Variants in BANK1 observed in about 807,000 individuals in gnomAD.
BANK1 encodes the protein B cell scaffold protein with ankyrin repeats 1, also known as B-cell scaffold protein with ankyrin repeats.
BANK1 carries 95 observed loss-of-function variants against 94.5 expected under a neutral mutation model. The ratio of observed to expected loss-of-function variants is 1.00; its 90% CI spans 0.85 to 1.19. BANK1 has a LOEUF of 1.19. BANK1 is among the 50% of genes most tolerant of loss of function. BANK1 has a pLI of 0.00. For missense variants in BANK1, 987 were observed against 932.2 expected (o/e 1.06, Z -0.77); for synonymous variants, 334 against 308.4 (o/e 1.08, Z -0.87).
intron 9 of BANK1, among the ~76,000 whole-genome samples, chr4:102,027,635 A>G (rs570917362): frequency 6.7e-6 from 1 of 149,822 alleles, no homozygotes; most frequent in East Asian, 2.0e-4. Context: ...GTTGTTCTTT[A>G]TGAGTAGCTT....
At position 101,790,817 on chromosome 4, in the gene BANK1, C is replaced by T; in HGVS notation, c.-64C>T. ...GAGAAAATCGCGGGGAGTCTCTGGCCGGGAGAGTCCAGGTAGCGCTCGGCG... is the reference window on the plus strand; with the variant it reads ...GAGAAAATCGCGGGGAGTCTCTGGCTGGGAGAGTCCAGGTAGCGCTCGGCG... On this transcript the variant is annotated 5_prime_UTR_variant, in exon 1 of 17. Coordinates refer to ENST00000322953, the MANE Select transcript of BANK1 (RefSeq NM_017935.5). The T allele has an allele frequency of 2.7e-6, 4 of 1,484,808 alleles. No homozygotes were observed. The South Asian group carries it at 3.6e-5, about 13-fold the overall frequency. 92.0% of individuals were successfully genotyped at this position (1,484,808 alleles called of 1,614,324 possible).
At chr4:101,970,169 G>A (rs1724904841) in intron 7 of BANK1, among the ~76,000 whole-genome samples, 1 of 152,062 alleles carries the variant, frequency 6.6e-6, no homozygotes, top group Admixed American at 6.6e-5. Context: ...AATTCCTTCT[G>A]CGTGTCAGGC....
At chr4:101,837,822 A>G (rs1453298725) in intron 2 of BANK1, among the ~76,000 whole-genome samples, 2 of 152,166 alleles carry the variant, frequency 1.3e-5, no homozygotes, top group Non-Finnish European at 2.9e-5. Context: ...ACATTTGATC[A>G]GGATATTTTT....
intron 7 of BANK1, among the ~76,000 whole-genome samples, chr4:101,930,195 A>G (rs1264428199): frequency 6.6e-6 from 1 of 151,306 alleles, no homozygotes; most frequent in Non-Finnish European, 1.5e-5. Context: ...TGTATCTGCC[A>G]TGTTCAGCAG....
intron 1 of BANK1, among the ~76,000 whole-genome samples, chr4:101,799,019 G>A (rs945921529): frequency 6.6e-6 from 1 of 152,136 alleles, no homozygotes; most frequent in Non-Finnish European, 1.5e-5. Flanking sequence ...TGGTGTTTTA[G>A]TCATGAAGTC....
chr4:101,826,752 A>G (rs1560589847), intron 1 of BANK1, among the ~76,000 whole-genome samples: 1 of 151,962 alleles, frequency 6.6e-6, no homozygotes, highest in African/African-American at 2.4e-5. Context: ...TTTCTGCCAG[A>G]TGTTTTTTTC....
intron 1 of BANK1, among the ~76,000 whole-genome samples, chr4:101,822,925 C>G (rs1726228618): frequency 6.6e-6 from 1 of 152,090 alleles, no homozygotes; most frequent in Non-Finnish European, 1.5e-5. Flanking sequence ...ACCACATTTT[C>G]TTTATCCAGC....
intron 7 of BANK1, among the ~76,000 whole-genome samples, chr4:101,922,009 C>CTTGTGTGTGT (rs369185640): frequency 3.9e-5 from 5 of 129,366 alleles, no homozygotes; most frequent in Admixed American, 7.8e-5. Flanking sequence ...ACACTGGGCC[C>CTTGTGTGTGT]GTGTGTGTGT....
At chr4:101,860,728 G>A (rs979570035) in intron 3 of BANK1, among the ~76,000 whole-genome samples, 1 of 152,202 alleles carries the variant, frequency 6.6e-6, no homozygotes, top group Admixed American at 6.5e-5. Context: ...ACCGCACCCG[G>A]CCCTGAGTGA....
intron 13 of BANK1, among the ~76,000 whole-genome samples, chr4:102,066,256 C>G (rs898380824): frequency 1.4e-5 from 2 of 143,904 alleles, no homozygotes; most frequent in African/African-American, 5.1e-5. Flanking sequence ...ACAATAACAT[C>G]TTTTTTTTTT....
intron 7 of BANK1, among the ~76,000 whole-genome samples, chr4:101,923,559 C>G (rs1032909461): frequency 1.6e-4 from 24 of 151,820 alleles, no homozygotes; most frequent in African/African-American, 5.8e-4. Flanking sequence ...TCTTCCCCAT[C>G]AGGAAAGGTT....
intron 5 of BANK1, among the ~76,000 whole-genome samples, chr4:101,884,177 A>G (rs928095610): frequency 2.6e-5 from 4 of 152,218 alleles, no homozygotes; most frequent in East Asian, 1.9e-4. Flanking sequence ...CCAATTCCCT[A>G]TAGTTCAGCC....
chr4:101,794,076 G>T (rs1725077302), intron 1 of BANK1, among the ~76,000 whole-genome samples: 1 of 152,012 alleles, frequency 6.6e-6, no homozygotes, highest in Admixed American at 6.6e-5. Context: ...AAGGAGAAAA[G>T]AATTCATAAT....
At chr4:101,836,305 C>T (rs1726824490) in intron 2 of BANK1, among the ~76,000 whole-genome samples, 1 of 152,058 alleles carries the variant, frequency 6.6e-6, no homozygotes, top group South Asian at 2.1e-4. Flanking sequence ...CATGGTGAAA[C>T]CCAGTCTCTA....
At chr4:102,021,213 A>G (rs529483875) in intron 7 of BANK1, among the ~76,000 whole-genome samples, 1 of 152,184 alleles carries the variant, frequency 6.6e-6, no homozygotes, top group African/African-American at 2.4e-5. Context: ...GTTGTGTTCA[A>G]TTTTATTCAG....
intron 5 of BANK1, among the ~76,000 whole-genome samples, chr4:101,880,535 A>G (rs1321938486): frequency 6.6e-6 from 1 of 152,128 alleles, no homozygotes; most frequent in Non-Finnish European, 1.5e-5. Flanking sequence ...CAATCCTATC[A>G]AAATACCAAT....
intron 2 of BANK1, among the ~76,000 whole-genome samples, chr4:101,840,567 G>A (rs1727007393): frequency 6.6e-6 from 1 of 152,144 alleles, no homozygotes; most frequent in Non-Finnish European, 1.5e-5. Context: ...GTGCCTTAAG[G>A]ACATGCTCCT....
At chr4:101,803,937 G>A (rs910211453) in intron 1 of BANK1, among the ~76,000 whole-genome samples, 4 of 125,838 alleles carry the variant, frequency 3.2e-5, no homozygotes, top group African/African-American at 1.2e-4. Flanking sequence ...AGCGGAGCTT[G>A]CAGTGAGCCG....
At chr4:101,891,127 T>G (rs1721853381) in intron 5 of BANK1, among the ~76,000 whole-genome samples, 1 of 152,142 alleles carries the variant, frequency 6.6e-6, no homozygotes, top group Non-Finnish European at 1.5e-5. Flanking sequence ...CCAAAAGGTC[T>G]TCTTTCATTA....
Sources: allele counts gnomAD v4.1 joint callset (sites outside exome capture counted in the v4.1 genomes callset), GRCh38; gene constraint gnomAD v4.1.1; transcripts MANE v1.5; gene names NCBI Gene and HGNC (gene_info 2026-07-23, HGNC 2026-07-21).